The following POLA1 variants were observed in gnomAD, a reference collection of about 807,000 sequenced individuals.
The protein encoded by POLA1 is DNA polymerase alpha 1, catalytic subunit.
POLA1 carries 15 observed loss-of-function variants against 124.0 expected under a neutral mutation model. That is an observed-to-expected ratio of 0.12 (90% CI 0.08 to 0.19). The LOEUF (loss-of-function observed/expected upper bound fraction) is 0.19, where lower values mean the gene tolerates loss of function less well. Ranked by LOEUF, POLA1 falls within the 10% of genes least tolerant of loss-of-function variation. The pLI is 1.00. For synonymous variants in POLA1, 408 were observed against 389.4 expected, an observed-to-expected ratio of 1.05 and a Z score of -0.56; for missense variants, 886 against 1,103.4, an observed-to-expected ratio of 0.80 and a Z score of 2.79.
intron 26 of POLA1, among the ~76,000 whole-genome samples, chrX:24,770,342 T>C (rs5986708): frequency 0.21 from 23,681 of 110,213 alleles, 1,937 homozygotes; most frequent in South Asian, 0.35. Context: ...TAAGGTAAAT[T>C]TAAAGAAAAA....
chrX:24,962,983 A>G (rs1601912629), intron 36 of POLA1, among the ~76,000 whole-genome samples: 1 of 111,728 alleles, frequency 9.0e-6, no homozygotes, highest in East Asian at 2.8e-4. Flanking sequence ...TAAAATCAAC[A>G]TATCCTCTTA....
rs976493624 is a variant in POLA1 at position 24,858,487 on chromosome X, C to T, written c.4047+14810C>T. Among the ~76,000 whole-genome samples, 6 of 112,222 alleles carry T rather than the reference C, an allele frequency of 5.3e-5. No homozygotes were observed. In the Admixed American group the frequency reaches 5.7e-4, roughly 11 times the overall value. On this transcript the variant is annotated intron_variant, in intron 34 of 36. Coordinates refer to ENST00000379068, the MANE Select transcript of POLA1 (RefSeq NM_001330360.2). ...ATAGTCTCTTTTGGACTAGCTTCAG[C>T]TTTCCATCTATAGGAAGTGCCTAGT... is the stretch of plus-strand genomic sequence containing the variant.
intron 34 of POLA1, among the ~76,000 whole-genome samples, chrX:24,852,601 T>A (rs1189494375): frequency 8.9e-6 from 1 of 112,277 alleles, no homozygotes; most frequent in Non-Finnish European, 1.9e-5. Context: ...TGAGCCACCA[T>A]GCCTGGCTGA....
At chrX:24,826,649 A>G (rs1437616919) in intron 32 of POLA1, 48 bp downstream of exon 32, 4 of 865,128 alleles carry the variant, frequency 4.6e-6, no homozygotes, top group Non-Finnish European at 5.0e-6. Flanking sequence ...ACAGGGGCAC[A>G]TGTAGTCTTC....
chrX:24,713,715 A>G (rs1164719278), intron 4 of POLA1, among the ~76,000 whole-genome samples: 1 of 112,677 alleles, frequency 8.9e-6, no homozygotes, highest in Non-Finnish European at 1.9e-5. Flanking sequence ...GCACCCGGCC[A>G]GCAAAAGTTG....
At chrX:24,912,040 C>T (rs182231222) in intron 35 of POLA1, among the ~76,000 whole-genome samples, 3 of 112,341 alleles carry the variant, frequency 2.7e-5, no homozygotes, top group African/African-American at 9.7e-5. Flanking sequence ...ATAATAGACA[C>T]GTAGACCAAT....
intron 26 of POLA1, among the ~76,000 whole-genome samples, chrX:24,749,734 C>G: frequency 8.9e-6 from 1 of 111,812 alleles, no homozygotes; most frequent in Non-Finnish European, 1.9e-5. Context: ...ATCCAGAATT[C>G]CAGGAATACA....
At chrX:24,751,881 G>A (rs1441210313) in intron 26 of POLA1, among the ~76,000 whole-genome samples, 2 of 111,699 alleles carry the variant, frequency 1.8e-5, no homozygotes, top group African/African-American at 3.3e-5. Flanking sequence ...CAAGATACGA[G>A]TGGGCAGAAT....
intron 36 of POLA1, among the ~76,000 whole-genome samples, chrX:24,983,912 G>A (rs2048450417): frequency 9.0e-6 from 1 of 111,151 alleles, no homozygotes; most frequent in South Asian, 3.9e-4. Context: ...ATTCTGTCGT[G>A]TCCTCTACTA....
intron 36 of POLA1, among the ~76,000 whole-genome samples, chrX:24,994,563 T>A (rs1170471017): frequency 1.8e-5 from 2 of 112,049 alleles, no homozygotes; most frequent in Non-Finnish European, 3.8e-5. Flanking sequence ...TCAGCTGATG[T>A]CTGAGGCCTG....
chrX:24,889,479 C>T (rs147071575), intron 35 of POLA1, among the ~76,000 whole-genome samples: 447 of 112,326 alleles, frequency 4.0e-3, no homozygotes, highest in Middle Eastern at 0.014. Context: ...TGCAATCTGT[C>T]TCACTAGGAC....
intron 36 of POLA1, among the ~76,000 whole-genome samples, chrX:24,973,695 C>T (rs939519089): frequency 8.9e-5 from 10 of 112,110 alleles, no homozygotes; most frequent in African/African-American, 2.6e-4. Context: ...ACTGGGCTCT[C>T]CATAATCCCT....
intron 34 of POLA1, among the ~76,000 whole-genome samples, chrX:24,875,275 C>T (rs1160659656): frequency 9.0e-6 from 1 of 111,404 alleles, no homozygotes; most frequent in Non-Finnish European, 1.9e-5. Context: ...TTCTTGAGTT[C>T]AAGTGTGATG....
intron 36 of POLA1, among the ~76,000 whole-genome samples, chrX:24,968,421 C>T (rs1017479247): frequency 9.0e-5 from 10 of 111,592 alleles, no homozygotes; most frequent in African/African-American, 1.6e-4. Flanking sequence ...GAATCCAGGC[C>T]GGGCGCAGTG....
intron 16 of POLA1, among the ~76,000 whole-genome samples, 182 bp from the exon 17 acceptor site, chrX:24,733,573 G>GTGCT (rs1931070959): frequency 8.9e-6 from 1 of 111,859 alleles, no homozygotes; most frequent in Non-Finnish European, 1.9e-5. Context: ...TTAGGGTTCT[G>GTGCT]TGCTTGACCA....
chrX:24,876,394 A>G (rs1413536082), intron 34 of POLA1, among the ~76,000 whole-genome samples: 1 of 111,928 alleles, frequency 8.9e-6, no homozygotes, highest in East Asian at 2.8e-4. Context: ...AGAGGAAAGA[A>G]GTGGCTTTTC....
chrX:24,790,938 T>TATATAA (rs1378324605), intron 26 of POLA1, among the ~76,000 whole-genome samples: 3 of 102,479 alleles, frequency 2.9e-5, no homozygotes, highest in Non-Finnish European at 3.9e-5. Flanking sequence ...TATATATATA[T>TATATAA]ATAAAACATT....
intron 4 of POLA1, among the ~76,000 whole-genome samples, chrX:24,712,382 A>G (rs1255663552): frequency 8.9e-5 from 10 of 112,194 alleles, no homozygotes; most frequent in Non-Finnish European, 1.7e-4. Flanking sequence ...CACCATGCCC[A>G]GCCTCATATG....
intron 26 of POLA1, among the ~76,000 whole-genome samples, chrX:24,804,969 A>G (rs966485238): frequency 8.9e-6 from 1 of 111,819 alleles, no homozygotes; most frequent in Non-Finnish European, 1.9e-5. Flanking sequence ...AGTAAACCAT[A>G]TCGTGGGTAT....
Sources: allele counts gnomAD v4.1 joint callset (sites outside exome capture counted in the v4.1 genomes callset), GRCh38; gene constraint gnomAD v4.1.1; transcripts MANE v1.5; gene names NCBI Gene and HGNC (gene_info 2026-07-23, HGNC 2026-07-21).